FBXL3: variants seen among roughly 807,000 people sequenced by gnomAD.
FBXL3 encodes F-box and leucine rich repeat protein 3.
In FBXL3, 14 loss-of-function variants were observed where a neutral mutation model predicts 37.9. That is an observed-to-expected ratio of 0.37 (90% CI 0.24 to 0.58). The LOEUF (loss-of-function observed/expected upper bound fraction) is 0.58, where lower values mean the gene tolerates loss of function less well. FBXL3 is among the 20% of genes least tolerant of loss of function. The probability of loss-of-function intolerance (pLI) is 0.74; values close to 1 mark genes in which losing one functional copy is unlikely to be tolerated. For missense variants in FBXL3, 327 were observed against 511.1 expected, an observed-to-expected ratio of 0.64 and a Z score of 3.47; for synonymous variants, 194 against 180.1, an observed-to-expected ratio of 1.08 and a Z score of -0.62.
At chr13:77,025,366 T>C (rs2034817817) in intron 1 of FBXL3, among the ~76,000 whole-genome samples, 1 of 152,164 alleles carries the variant, frequency 6.6e-6, no homozygotes, top group African/African-American at 2.4e-5. Context: ...AATAGCAAAC[T>C]ACTGAGGAAA....
Position 77,005,830 on chromosome 13 carries a change from G to GCTAA in FBXL3, c.*1314_*1315insTTAG, listed in dbSNP as rs2034442142. ...AATCATTTCTGATTTCCCTCAGGAG[G>GCTAA]GTAGTAATATCTACTAGCACTAGTG... On this transcript the variant is annotated 3_prime_UTR_variant, in exon 5 of 5. Transcript: ENST00000355619. 6.6e-6 allele frequency: 1 copy of GCTAA among 151,904 alleles called. No individual in the cohort carries two copies. The highest frequency in any genetic ancestry group is 2.4e-5 in the African/African-American group (1 of 41,354). The allele number at this position is 151,904 out of a possible 1,614,324, so 9.4% of individuals were successfully genotyped here.
At chr13:77,009,705 A>G (rs1359334031) in intron 4 of FBXL3, 1 of 152,206 alleles carries the variant, frequency 6.6e-6, no homozygotes, top group Non-Finnish European at 1.5e-5. Flanking sequence ...CAATTCCTTA[A>G]GGATCTAGAA....
At chr13:77,012,466 C>T (rs1399170272) in intron 4 of FBXL3, among the ~76,000 whole-genome samples, 3 of 151,990 alleles carry the variant, frequency 2.0e-5, no homozygotes, top group Non-Finnish European at 4.4e-5. Flanking sequence ...AAGTGTCCAA[C>T]TTTAGAACTA....
At chr13:77,018,517 C>T in intron 3 of FBXL3, 83 bp downstream of exon 3, 2 of 1,118,392 alleles carry the variant, frequency 1.8e-6, no homozygotes, top group Admixed American at 6.0e-5. Flanking sequence ...TTTCCTTATA[C>T]TCACACTGTC....
At chr13:77,026,500 CG>C in intron 1 of FBXL3, 1 of 485,336 alleles carries the variant, frequency 2.1e-6, no homozygotes, top group Non-Finnish European at 2.7e-6. Flanking sequence ...CACCAGCCCC[CG>C]CCAAGGGTCA....
At position 77,009,517 on chromosome 13, in the gene FBXL3, C is replaced by CTAAT. The variant is rs371964891; in HGVS notation, c.644-1733_644-1730dup. The CTAAT allele has an allele frequency of 5.3e-5, 8 of 152,270 alleles. No homozygotes were observed. In the East Asian group the frequency reaches 1.3e-3, roughly 26 times the overall value. 9.4% of individuals were successfully genotyped at this position (152,270 alleles called of 1,614,324 possible). ...TATTTTATATACTTTGAAATATACTCTAATTACTCAAGGTAACCTAAGCAC... is the reference window on the plus strand; with the variant it reads ...TATTTTATATACTTTGAAATATACTCTAATTAATTACTCAAGGTAACCTAAGCAC... On this transcript the variant is annotated intron_variant, in intron 4 of 4. Transcript: ENST00000355619.
At chr13:77,015,163 T>C (rs970288444) in intron 4 of FBXL3, 17 of 278,002 alleles carry the variant, frequency 6.1e-5, no homozygotes, top group Non-Finnish European at 8.6e-5. Flanking sequence ...CTCTTTTTTT[T>C]CCTGTTCATT....
chr13:77,026,714 G>T (rs182914726), intron 1 of FBXL3, 113 bp downstream of exon 1: 1 of 29,526 alleles, frequency 3.4e-5, no homozygotes, highest in Non-Finnish European at 8.4e-5. Flanking sequence ...CGCGCGCCCC[G>T]GCCCCCGCGC....
rs536087344 is a variant in FBXL3, at chr13:77,005,783, T to G, written c.*1362A>C. 1 of 152,108 alleles carries G rather than the reference T, an allele frequency of 6.6e-6. No homozygotes were observed. Among genetic ancestry groups the G allele is most frequent in the Non-Finnish European group, 1.5e-5 (1 of 67,956 alleles). The allele number at this position is 152,108 out of a possible 1,614,324, so 9.4% of individuals were successfully genotyped here. ...CCACTGAAAAGAGCCGCTTTAAGAA[T>G]TAATGTATTCCACCGGGGTTAAATC... is the stretch of plus-strand genomic sequence containing the variant. On this transcript the variant is annotated 3_prime_UTR_variant, in exon 5 of 5. Transcript: ENST00000355619.
intron 1 of FBXL3, chr13:77,026,233 C>T: frequency 2.0e-6 from 2 of 985,416 alleles, no homozygotes; most frequent in Non-Finnish European, 2.4e-6. Context: ...TGCAACCCCA[C>T]CTAAAGGACT....
Position 77,006,493 on chromosome 13 carries a change from A to G in FBXL3, c.*652T>C, listed in dbSNP as rs2034453712. 6.6e-6 allele frequency: 1 copy of G among 152,358 alleles called. No homozygotes were observed. The highest frequency in any genetic ancestry group is 1.5e-5 in the Non-Finnish European group (1 of 68,074). 9.4% of individuals were successfully genotyped at this position (152,358 alleles called of 1,614,324 possible). On this transcript the variant is annotated 3_prime_UTR_variant, in exon 5 of 5. Transcript: ENST00000355619. ...CCTAAAAGTTTATACAAAGCTAAACACTGCCTCCCTTCTGTTCCATTTATT... is the reference window on the plus strand; with the variant it reads ...CCTAAAAGTTTATACAAAGCTAAACGCTGCCTCCCTTCTGTTCCATTTATT...
intron 2 of FBXL3, among the ~76,000 whole-genome samples, chr13:77,020,608 T>TC (rs1283675844): frequency 6.6e-6 from 1 of 151,616 alleles, no homozygotes; most frequent in African/African-American, 2.4e-5. Flanking sequence ...ATGCATTGTT[T>TC]TTTTTTTTCA....
intron 4 of FBXL3, among the ~76,000 whole-genome samples, chr13:77,012,232 G>A (rs2034567484): frequency 6.6e-6 from 1 of 152,256 alleles, no homozygotes; most frequent in East Asian, 1.9e-4. Flanking sequence ...CATTTTAAAT[G>A]AGAATTGTGA....
chr13:77,019,029 C>G (rs182063350), intron 2 of FBXL3: 29 of 206,684 alleles, frequency 1.4e-4, no homozygotes, highest in Admixed American at 1.2e-3. Context: ...GGCTTTTACA[C>G]TGATTTATTC....
chr13:77,019,393 T>G (rs1243925327), intron 2 of FBXL3, among the ~76,000 whole-genome samples: 1 of 152,214 alleles, frequency 6.6e-6, no homozygotes, highest in Admixed American at 6.5e-5. Flanking sequence ...ATCAAAAAGT[T>G]AGTTGTTTCC....
chr13:77,013,422 T>G (rs1381095544), intron 4 of FBXL3: 1 of 152,196 alleles, frequency 6.6e-6, no homozygotes, highest in Non-Finnish European at 1.5e-5. Context: ...TCCAAGAGTC[T>G]GAACCTCCCC....
chr13:77,010,820 G>A (rs554421249), intron 4 of FBXL3: 2 of 152,352 alleles, frequency 1.3e-5, no homozygotes, highest in South Asian at 2.1e-4. Context: ...AGCCTTTTAA[G>A]ATTTTAAGCA....
chr13:77,013,499 C>A (rs2154036640), intron 4 of FBXL3: 1 of 152,260 alleles, frequency 6.6e-6, no homozygotes, highest in African/African-American at 2.4e-5. Flanking sequence ...ATTTTGCAAA[C>A]CCTGCACTAG....
rs2034461734 is a variant in FBXL3 at position 77,006,940 on chromosome 13, G to C, written c.*205C>G. On this transcript the variant is annotated 3_prime_UTR_variant, in exon 5 of 5. Transcript: ENST00000355619. ...CACATTAAAAAAAATTCGGAGATATGACTGCTATTACACTAAGGAAACAAG... is the reference window on the plus strand; with the variant it reads ...CACATTAAAAAAAATTCGGAGATATCACTGCTATTACACTAAGGAAACAAG... 4 of 1,369,752 alleles carry C rather than the reference G, an allele frequency of 2.9e-6. No homozygotes were observed. The South Asian group carries it at 5.8e-5, about 20-fold the overall frequency. The allele number at this position is 1,369,752 out of a possible 1,614,324, so 84.8% of individuals were successfully genotyped here.
Sources: allele counts gnomAD v4.1 joint callset (sites outside exome capture counted in the v4.1 genomes callset), GRCh38; gene constraint gnomAD v4.1.1; transcripts MANE v1.5; gene names NCBI Gene and HGNC (gene_info 2026-07-23, HGNC 2026-07-21).